MTUS2: variants seen among roughly 807,000 people sequenced by gnomAD.
The protein encoded by MTUS2 is microtubule associated scaffold protein 2, also known as microtubule-associated tumor suppressor candidate 2.
A neutral mutation model predicts 114.1 loss-of-function variants in MTUS2; 40 were observed. The observed-to-expected ratio is 0.35, with a 90% CI of 0.27 to 0.46. The LOEUF (loss-of-function observed/expected upper bound fraction) is 0.46, where lower values mean the gene tolerates loss of function less well. Ranked by LOEUF, MTUS2 falls within the 20% of genes least tolerant of loss-of-function variation. The probability of loss-of-function intolerance (pLI) is 1.00; values close to 1 mark genes in which losing one functional copy is unlikely to be tolerated. For synonymous variants in MTUS2, 688 were observed against 672.0 expected (o/e 1.02, Z -0.37); for missense variants, 1,679 against 1,705.4 (o/e 0.98, Z 0.27).
At chr13:28,825,048 G>T (rs1435075915) in intron 1 of MTUS2, among the ~76,000 whole-genome samples, 1 of 152,210 alleles carries the variant, frequency 6.6e-6, no homozygotes, top group African/African-American at 2.4e-5. Flanking sequence ...GCAGGCCGCA[G>T]TGGGGGAATC....
chr13:29,388,303 T>C (rs1872770614), intron 8 of MTUS2, among the ~76,000 whole-genome samples: 1 of 152,076 alleles, frequency 6.6e-6, no homozygotes, highest in Non-Finnish European at 1.5e-5. Context: ...GTTGGCTTTG[T>C]TGTCTTCGTA....
intron 2 of MTUS2, among the ~76,000 whole-genome samples, chr13:29,007,328 C>G (rs896241661): frequency 6.6e-6 from 1 of 152,118 alleles, no homozygotes; most frequent in Non-Finnish European, 1.5e-5. Flanking sequence ...ACTCCTACTC[C>G]CCAGAGGCAA....
At chr13:29,227,893 A>G (rs12584927) in intron 5 of MTUS2, among the ~76,000 whole-genome samples, 24,765 of 152,200 alleles carry the variant, frequency 0.16, 2,279 homozygotes, top group East Asian at 0.4. Context: ...AAAGTCTTAT[A>G]TGTCTTCCAA....
At chr13:29,105,297 C>G (rs902488189) in intron 5 of MTUS2, among the ~76,000 whole-genome samples, 2 of 152,096 alleles carry the variant, frequency 1.3e-5, no homozygotes, top group Non-Finnish European at 2.9e-5. Context: ...GACTTAAAGT[C>G]AAAATCTTTA....
At chr13:29,155,992 C>T (rs748109025) in intron 5 of MTUS2, among the ~76,000 whole-genome samples, 37 of 152,056 alleles carry the variant, frequency 2.4e-4, no homozygotes, top group Non-Finnish European at 2.6e-4. Flanking sequence ...CATAAACAGC[C>T]GTTTGCCCAT....
intron 8 of MTUS2, among the ~76,000 whole-genome samples, chr13:29,383,797 C>T (rs1422672225): frequency 6.6e-5 from 10 of 152,172 alleles, no homozygotes; most frequent in Admixed American, 6.5e-4. Flanking sequence ...AGATGCGGCA[C>T]CTGGAGATGC....
At chr13:29,245,019 T>G (rs944466028) in intron 5 of MTUS2, among the ~76,000 whole-genome samples, 9 of 148,382 alleles carry the variant, frequency 6.1e-5, no homozygotes, top group African/African-American at 2.3e-4. Context: ...AAGGACATAT[T>G]AGGCTAGGGT....
chr13:29,378,775 A>T (rs1450076361), intron 8 of MTUS2, among the ~76,000 whole-genome samples: 1 of 151,568 alleles, frequency 6.6e-6, no homozygotes, highest in Non-Finnish European at 1.5e-5. Context: ...ACTCAGTGGA[A>T]CCCCCATAAT....
intron 4 of MTUS2, among the ~76,000 whole-genome samples, chr13:29,088,629 C>G (rs985853401): frequency 1.1e-4 from 16 of 152,252 alleles, no homozygotes; most frequent in African/African-American, 3.6e-4. Flanking sequence ...TTTAATGAAT[C>G]TTGGTGCTGC....
chr13:29,238,470 A>G (rs919220815), intron 5 of MTUS2, among the ~76,000 whole-genome samples: 1 of 152,258 alleles, frequency 6.6e-6, no homozygotes, highest in Non-Finnish European at 1.5e-5. Flanking sequence ...CAAAGGTCCA[A>G]GAGCCCCTGG....
In MTUS2 at chr13:29,480,056, T is replaced by C; in HGVS notation, c.3185-94T>C. The C allele has an allele frequency of 7.6e-7, 1 of 1,307,806 alleles. No individual in the cohort carries two copies. The highest frequency in any genetic ancestry group is 1.1e-6 in the Non-Finnish European group (1 of 943,906). The allele number at this position is 1,307,806 out of a possible 1,614,324, so 81.0% of individuals were successfully genotyped here. A position where few individuals can be genotyped will look rare whatever the true frequency, so the allele number is the denominator to read the frequency against. ...AGTCAGAGGACCTCGCCCTGTTTATTACGCCAGCCTTGATGATCTGACCAT... is the reference window on the plus strand; with the variant it reads ...AGTCAGAGGACCTCGCCCTGTTTATCACGCCAGCCTTGATGATCTGACCAT... On this transcript the variant is annotated intron_variant, in intron 9 of 15. Coordinates refer to ENST00000612955, the MANE Select transcript of MTUS2 (RefSeq NM_001033602.4). The surrounding 1 kb of genome is among the most constrained non-coding windows in gnomAD (Gnocchi z 4.4).
chr13:29,307,266 C>A (rs963631688), intron 6 of MTUS2: 10 of 645,854 alleles, frequency 1.5e-5, no homozygotes, highest in African/African-American at 1.4e-4. Flanking sequence ...TGGCCAAAGT[C>A]ATCCGTGACA....
At chr13:29,472,503 G>A (rs1184085908) in intron 9 of MTUS2, among the ~76,000 whole-genome samples, 1 of 152,174 alleles carries the variant, frequency 6.6e-6, no homozygotes, top group Admixed American at 6.5e-5. Flanking sequence ...GACCTAACGG[G>A]TTTGGACAAA....
At chr13:28,925,382 T>C (rs1399299579) in intron 2 of MTUS2, among the ~76,000 whole-genome samples, 1 of 152,260 alleles carries the variant, frequency 6.6e-6, no homozygotes, top group East Asian at 1.9e-4. Context: ...AAAATGAATT[T>C]GATGCTAGTA....
At chr13:28,945,239 G>A (rs1420863045) in intron 2 of MTUS2, among the ~76,000 whole-genome samples, 3 of 150,958 alleles carry the variant, frequency 2.0e-5, no homozygotes, top group Non-Finnish European at 4.4e-5. Flanking sequence ...GGACACTTAG[G>A]TTGATTCCAT....
chr13:28,834,460 T>C (rs2185605), intron 1 of MTUS2, among the ~76,000 whole-genome samples: 123,531 of 152,088 alleles, frequency 0.81, 50,644 homozygotes, highest in African/African-American at 0.85. Flanking sequence ...TAATAAATGG[T>C]GCTGGAATAA....
rs1457651250 is a variant in MTUS2 at position 29,026,907 on chromosome 13, A to T, written c.2205+4A>T. 1 of 1,580,670 alleles carries T rather than the reference A, an allele frequency of 6.3e-7. No individual in the cohort carries two copies. Among genetic ancestry groups the T allele is most frequent in the Non-Finnish European group, 8.5e-7 (1 of 1,170,882 alleles). On this transcript the variant is annotated splice_donor_region_variant and intron_variant, in intron 3 of 15. Transcript: ENST00000612955. ...GAGTGAAAAGTTTTTGCAGGAGGTA[A>T]GAGAATGTCATTATGATATGGTCTA...
At chr13:29,070,082 A>G (rs1050881349) in intron 4 of MTUS2, among the ~76,000 whole-genome samples, 6 of 152,184 alleles carry the variant, frequency 3.9e-5, no homozygotes, top group Non-Finnish European at 7.4e-5. Flanking sequence ...ATGGAATCTC[A>G]TGCTGGAGAG....
intron 5 of MTUS2, among the ~76,000 whole-genome samples, chr13:29,266,670 C>T (rs1435111395): frequency 7.2e-5 from 11 of 152,204 alleles, no homozygotes; most frequent in Non-Finnish European, 1.5e-5. Context: ...GTCATGCCCA[C>T]TGTGACTACA....
Sources: gnomAD v4.1 joint callset for allele counts (sites outside exome capture counted in the v4.1 genomes callset) on GRCh38, gnomAD v4.1.1 for gene constraint, Gnocchi (gnomAD v3.1) non-coding constraint, MANE v1.5 for transcripts, NCBI Gene and HGNC (gene_info 2026-07-23, HGNC 2026-07-21) for gene names.